Variants in MAPK10 observed in about 807,000 individuals in gnomAD.
The protein encoded by MAPK10 is JNK3 alpha protein kinase.
In MAPK10, 25 loss-of-function variants were observed where a neutral mutation model predicts 59.3. That is an observed-to-expected ratio of 0.42 (90% CI 0.31 to 0.59). The LOEUF is 0.59. Among genes scored for constraint, MAPK10 ranks in the 20% least tolerant of loss-of-function variants. The probability of loss-of-function intolerance (pLI) is 0.15; values close to 1 mark genes in which losing one functional copy is unlikely to be tolerated. For missense variants in MAPK10, 351 were observed against 568.9 expected (o/e 0.62, Z 3.90); for synonymous variants, 190 against 200.5 (o/e 0.95, Z 0.44).
At chr4:86,152,138 T>C (rs2066630235) in intron 4 of MAPK10, 1 of 152,190 alleles carries the variant, frequency 6.6e-6, no homozygotes, top group East Asian at 1.9e-4. Context: ...ATCCATATTC[T>C]GATGTCCTTG....
chr4:86,134,296 T>C (rs1207044208), intron 4 of MAPK10, among the ~76,000 whole-genome samples: 1 of 152,228 alleles, frequency 6.6e-6, no homozygotes, highest in Non-Finnish European at 1.5e-5. Context: ...TCCCTTCCTA[T>C]GTATATTTTC....
intron 2 of MAPK10, among the ~76,000 whole-genome samples, chr4:86,311,322 C>A (rs2095665321): frequency 6.6e-6 from 1 of 152,012 alleles, no homozygotes; most frequent in Non-Finnish European, 1.5e-5. Flanking sequence ...CAAGGTAAAT[C>A]TTTACCTCTT....
intron 11 of MAPK10, among the ~76,000 whole-genome samples, chr4:86,042,492 T>TA (rs1426111396): frequency 6.6e-6 from 1 of 151,624 alleles, no homozygotes; most frequent in East Asian, 1.9e-4. Flanking sequence ...AGTAAAATTT[T>TA]AAAAAAAAGT....
At chr4:86,470,801 A>C (rs1405108133) in intron 1 of MAPK10, among the ~76,000 whole-genome samples, 1 of 152,228 alleles carries the variant, frequency 6.6e-6, no homozygotes, top group Non-Finnish European at 1.5e-5. Context: ...AAAAATTATT[A>C]TACAAGATAG....
At chr4:86,023,815 ATAT>A (rs2148902836) in intron 13 of MAPK10, 1 of 12,054 alleles carries the variant, frequency 8.3e-5, no homozygotes, top group South Asian at 4.4e-3. Context: ...TCAAATGAAT[ATAT>A]ATATATATAT....
intron 1 of MAPK10, among the ~76,000 whole-genome samples, chr4:86,537,704 CT>C (rs1758355216): frequency 6.6e-6 from 1 of 152,090 alleles, no homozygotes; most frequent in African/African-American, 2.4e-5. Flanking sequence ...TTTTGAGATT[CT>C]TTACCTATTT....
intron 1 of MAPK10, among the ~76,000 whole-genome samples, chr4:86,495,610 T>C (rs1754814960): frequency 6.6e-6 from 1 of 152,256 alleles, no homozygotes; most frequent in Admixed American, 6.5e-5. Context: ...ATAGGGGTTT[T>C]CCATGGTGCT....
chr4:86,431,023 C>T (rs1747973609), intron 1 of MAPK10, among the ~76,000 whole-genome samples: 1 of 150,240 alleles, frequency 6.7e-6, no homozygotes, highest in African/African-American at 2.5e-5. Flanking sequence ...ATTGCAATGG[C>T]TTAGGCTAGA....
chr4:86,103,780 A>G (rs2056021437), intron 5 of MAPK10, among the ~76,000 whole-genome samples: 1 of 151,878 alleles, frequency 6.6e-6, no homozygotes, highest in Non-Finnish European at 1.5e-5. Context: ...GATGATATCA[A>G]TGATGGATTT....
At chr4:86,467,734 G>A (rs946283080) in intron 1 of MAPK10, among the ~76,000 whole-genome samples, 1 of 152,170 alleles carries the variant, frequency 6.6e-6, no homozygotes, top group African/African-American at 2.4e-5. Context: ...TGGCCAGGAT[G>A]GTCTCGATCT....
At chr4:86,588,282 C>A (rs1306887013) in intron 1 of MAPK10, among the ~76,000 whole-genome samples, 2 of 152,098 alleles carry the variant, frequency 1.3e-5, no homozygotes, top group Non-Finnish European at 2.9e-5. Context: ...TTTATTATGG[C>A]CAGCTTTCTA....
At chr4:86,229,884 T>C (rs552417128) in intron 2 of MAPK10, among the ~76,000 whole-genome samples, 4 of 152,006 alleles carry the variant, frequency 2.6e-5, no homozygotes, top group Admixed American at 6.6e-5. Flanking sequence ...AGTGAGACTC[T>C]GTCTCTACAA....
chr4:86,261,545 C>T (rs1428730643), intron 2 of MAPK10, among the ~76,000 whole-genome samples: 1 of 152,168 alleles, frequency 6.6e-6, no homozygotes, highest in South Asian at 2.1e-4. Flanking sequence ...TAGATCTATT[C>T]CCTTGACAAC....
At chr4:86,321,548 A>G (rs1169552412) in intron 2 of MAPK10, among the ~76,000 whole-genome samples, 1 of 139,100 alleles carries the variant, frequency 7.2e-6, no homozygotes, top group African/African-American at 2.7e-5. Flanking sequence ...GAACACATGG[A>G]CACAGGAAGG....
chr4:86,141,038 A>G (rs1270848958), intron 4 of MAPK10, among the ~76,000 whole-genome samples: 1 of 152,214 alleles, frequency 6.6e-6, no homozygotes, highest in Non-Finnish European at 1.5e-5. Flanking sequence ...CCAATACCCA[A>G]TACCCTCATT....
chr4:86,254,960 G>A (rs186418845), intron 2 of MAPK10, among the ~76,000 whole-genome samples: 1 of 152,184 alleles, frequency 6.6e-6, no homozygotes, highest in African/African-American at 2.4e-5. Context: ...TCCAAATGCA[G>A]TTCCTTTATG....
chr4:86,138,874 C>T (rs2062884265), intron 4 of MAPK10, among the ~76,000 whole-genome samples: 1 of 152,004 alleles, frequency 6.6e-6, no homozygotes, highest in East Asian at 1.9e-4. Flanking sequence ...AAATCACAAG[C>T]ATTCTTATAC....
chr4:86,245,311 ATT>A (rs35547091), intron 2 of MAPK10, among the ~76,000 whole-genome samples: 25 of 137,246 alleles, frequency 1.8e-4, no homozygotes, highest in Non-Finnish European at 1.7e-4. Flanking sequence ...ACAAGTGCCA[ATT>A]TTTTTTTTTT....
intron 2 of MAPK10, chr4:86,326,325 A>C (rs922399376): frequency 1.3e-5 from 2 of 152,216 alleles, no homozygotes; most frequent in Non-Finnish European, 2.9e-5. Context: ...TACTGGATGC[A>C]TGTAAGCAAG....
Sources: allele counts gnomAD v4.1 joint callset (sites outside exome capture counted in the v4.1 genomes callset), GRCh38; gene constraint gnomAD v4.1.1; transcripts MANE v1.5; gene names NCBI Gene and HGNC (gene_info 2026-07-23, HGNC 2026-07-21).